PMEL: variants seen among roughly 807,000 people sequenced by gnomAD.
PMEL encodes melanocyte protein PMEL.
In PMEL, 53 loss-of-function variants were observed where a neutral mutation model predicts 64.9. The observed-to-expected ratio is 0.82, with a 90% confidence interval of 0.66 to 1.03. The LOEUF is 1.03. Among genes scored for constraint, PMEL ranks in the 50% least tolerant of loss-of-function variants. The pLI, the probability that PMEL is intolerant of heterozygous loss-of-function variation, is 0.00. For missense variants in PMEL, 716 were observed against 814.9 expected (o/e 0.88, Z 1.48); for synonymous variants, 299 against 316.2 (o/e 0.95, Z 0.58).
Position 55,955,575 on chromosome 12 carries a change from G to GGCAGGCTGGGCTGGGTAGC in PMEL, c.1632_1650dup (p.Gln551AlafsTer29). On this transcript the variant is annotated frameshift_variant, in exon 9 of 11. Transcript: ENST00000548747. LOFTEE classifies it high-confidence loss of function. ...TTCAGTATCTGGTGCAGAACCAGCT[G>GGCAGGCTGGGCTGGGTAGC]GCAGGCTGGGCTGGGTAGCACAGGC... 6.2e-7 allele frequency: 1 copy of GGCAGGCTGGGCTGGGTAGC among 1,614,018 alleles called. No individual in the cohort carries two copies. The highest frequency in any genetic ancestry group is 1.6e-4 in the Middle Eastern group (1 of 6,062).
At chr12:55,958,666 C>T (rs1284879009) in intron 3 of PMEL, 59 bp from the exon 4 acceptor site, 1 of 1,563,332 alleles carries the variant, frequency 6.4e-7, no homozygotes, top group South Asian at 1.2e-5. Flanking sequence ...TATATCAAAA[C>T]CCCTAAAATT....
At chr12:55,958,248 G>A (rs1013553037) in intron 4 of PMEL, 164 bp from the exon 5 acceptor site, 1 of 802,940 alleles carries the variant, frequency 1.2e-6, no homozygotes, top group African/African-American at 1.7e-5. Flanking sequence ...GGGTCCTAAT[G>A]AGGCATTCCA....
At chr12:55,961,810 C>A in intron 1 of PMEL, 78 bp from the exon 2 acceptor site, 4 of 846,846 alleles carry the variant, frequency 4.7e-6, no homozygotes, top group Non-Finnish European at 7.8e-6. Flanking sequence ...CATGTCACTC[C>A]ATTCATTCTC....
At chr12:55,957,751 G>C in intron 5 of PMEL, 80 bp from the exon 6 acceptor site, 4 of 1,534,610 alleles carry the variant, frequency 2.6e-6, no homozygotes, top group Non-Finnish European at 3.5e-6. Context: ...CCAACTCCAA[G>C]CTGACTGGCT....
In PMEL at chr12:55,957,661, A is replaced by T; in HGVS notation, c.642T>A (p.Pro214=). 6.2e-7 allele frequency: 1 copy of T among 1,610,502 alleles called. No individual in the cohort carries two copies. ...GCAACTGGGACACGCTCACGGAGAA[A>T]GGCACCTGGTCTGGGATTGGAGCCA... ...SSAFTITDQV[P]FSVSVSQLRA... is the part of the protein sequence containing the mutation. The change falls in exon 6 of 11, where the codon CCT becomes CCA. Residue 214 remains proline (P), a synonymous_variant. Coordinates refer to ENST00000548747, the MANE Select transcript of PMEL (RefSeq NM_001384361.1).
In PMEL at chr12:55,957,243, G is replaced by A; in HGVS notation, c.1060C>T (p.Pro354Ser). ...EPSGTTSVQV[P>S]TTEVISTAPV... Reference sequence around the variant, plus strand: ...GCAGTGCTTATGACTTCAGTGGTTGGCACCTGCACAGATGTGGTTCCAGAG... The same window carrying A: ...GCAGTGCTTATGACTTCAGTGGTTGACACCTGCACAGATGTGGTTCCAGAG... Residue 354 changes from proline (P) to serine (S), a missense_variant, in exon 6 of 11, where the codon CCA becomes TCA. By Grantham distance (74) the Pro-to-Ser change is moderately conservative (BLOSUM62 -1). Coordinates refer to ENST00000548747, the MANE Select transcript of PMEL (RefSeq NM_001384361.1). 5.6e-6 allele frequency: 9 copies of A among 1,614,106 alleles called. No individual in the cohort carries two copies. Among genetic ancestry groups the A allele is most frequent in the Non-Finnish European group, 6.8e-6 (8 of 1,180,014 alleles).
chr12:55,963,446 A>G (rs1016720048), intron 1 of PMEL, among the ~76,000 whole-genome samples: 2 of 152,160 alleles, frequency 1.3e-5, no homozygotes, highest in African/African-American at 4.8e-5. Context: ...GTAAAAGCAA[A>G]TCCCAGACAT....
chr12:55,961,317 C>A lies in PMEL; in HGVS notation c.334G>T (p.Gly112Trp). 6.2e-7 allele frequency: 1 copy of A among 1,614,064 alleles called. No homozygotes were observed. Among genetic ancestry groups the A allele is most frequent in the Non-Finnish European group, 8.5e-7 (1 of 1,179,942 alleles). Residue 112 changes from glycine to tryptophan, a missense_variant and splice_region_variant, in exon 3 of 11, where the codon GGG becomes TGG. Physicochemically the swap from Gly to Trp is radical, Grantham distance 184 (BLOSUM62 -2). Coordinates refer to ENST00000548747, the MANE Select transcript of PMEL (RefSeq NM_001384361.1). ...VIWVNNTIIN[G>W]SQVWGGQPVY... The stretch of plus-strand genomic sequence containing the variant: ...GGACCTAGAATAGAGAAGTACTCAC[C>A]ATTGATGATGGTATTGTTGACCCAG...
chr12:55,959,815 AC>A (rs1023633459), intron 3 of PMEL, among the ~76,000 whole-genome samples: 3 of 151,656 alleles, frequency 2.0e-5, no homozygotes, highest in Non-Finnish European at 4.4e-5. Context: ...AAAAATAAAT[AC>A]ATAAATAAAT....
intron 5 of PMEL, 94 bp downstream of exon 5, chr12:55,957,829 T>C (rs1345075323): frequency 1.3e-6 from 2 of 1,546,538 alleles, no homozygotes; most frequent in Admixed American, 1.8e-5. Flanking sequence ...ACTTTAAGTT[T>C]GCACAGCATT....
chr12:55,958,227 G>T, intron 4 of PMEL, 143 bp from the exon 5 acceptor site: 2 of 887,014 alleles, frequency 2.3e-6, no homozygotes, highest in Non-Finnish European at 3.4e-6. Context: ...TGATATGGGG[G>T]GACAGGGAAG....
intron 10 of PMEL, 150 bp downstream of exon 10, chr12:55,955,124 G>A: frequency 2.8e-6 from 2 of 717,176 alleles, no homozygotes; most frequent in Non-Finnish European, 5.1e-6. Flanking sequence ...AAGCAAGACT[G>A]CAACCCAAGT....
rs1487206502 is a variant in PMEL at position 55,958,625 on chromosome 12, A to T, written c.335-18T>A. The T allele has an allele frequency of 1.2e-6, 2 of 1,610,588 alleles. No individual in the cohort carries two copies. The highest frequency in any genetic ancestry group is 2.7e-5 in the African/African-American group (2 of 74,764). ...CTGGCTCCCTGAAAGATAAATACAGAGTCACTCTCAAACCCTGGCATTCTT... is the reference window on the plus strand; with the variant it reads ...CTGGCTCCCTGAAAGATAAATACAGTGTCACTCTCAAACCCTGGCATTCTT... On this transcript the variant is annotated intron_variant, in intron 3 of 10. Coordinates refer to ENST00000548747, the MANE Select transcript of PMEL (RefSeq NM_001384361.1).
At chr12:55,958,762 T>C (rs763813013) in intron 3 of PMEL, 155 bp from the exon 4 acceptor site, 10 of 760,070 alleles carry the variant, frequency 1.3e-5, no homozygotes, top group East Asian at 1.1e-4. Context: ...GGGGTGGTAG[T>C]TGGGGGTTGA....
At chr12:55,965,821 T>C (rs1260306529) in intron 1 of PMEL, 115 bp downstream of exon 1, 1 of 1,289,760 alleles carries the variant, frequency 7.8e-7, no homozygotes. Flanking sequence ...CTAAATCAAA[T>C]GAGTGGGAGA....
chr12:55,960,192 C>T (rs1433223672), intron 3 of PMEL, among the ~76,000 whole-genome samples: 2 of 131,444 alleles, frequency 1.5e-5, no homozygotes, highest in Non-Finnish European at 3.1e-5. Context: ...GCCTGAGCGA[C>T]ACAGCCAGAC....
At chr12:55,956,347 A>C (rs1341001135) in intron 6 of PMEL, 128 bp from the exon 7 acceptor site, 1 of 662,166 alleles carries the variant, frequency 1.5e-6, no homozygotes, top group African/African-American at 1.8e-5. Context: ...TTGGAATCAG[A>C]TAAGACCTGG....
Position 55,958,490 on chromosome 12 carries a change from T to G in PMEL, c.452A>C (p.Tyr151Ser). Reference protein sequence around the residue: ...GSWSQKRSFVYVWKTWGQYWQ... With the variant: ...GSWSQKRSFVSVWKTWGQYWQ... ...TCCCTCACCCCAGGTCTTCCAGACATAAACAAAGCTTCTCTTCTGAGACCA... is the reference window on the plus strand; with the variant it reads ...TCCCTCACCCCAGGTCTTCCAGACAGAAACAAAGCTTCTCTTCTGAGACCA... Residue 151 changes from tyrosine to serine, a missense_variant, in exon 4 of 11, where the codon TAT (tyrosine) becomes TCT (serine). Coordinates refer to ENST00000548747, the MANE Select transcript of PMEL (RefSeq NM_001384361.1). 1 of 1,614,024 alleles carries G rather than the reference T, an allele frequency of 6.2e-7. No individual in the cohort carries two copies. The highest frequency in any genetic ancestry group is 8.5e-7 in the Non-Finnish European group (1 of 1,179,978).
At chr12:55,965,553 A>G (rs1889267455) in intron 1 of PMEL, among the ~76,000 whole-genome samples, 1 of 152,008 alleles carries the variant, frequency 6.6e-6, no homozygotes, top group African/African-American at 2.4e-5. Context: ...AGAGGATTGT[A>G]TCTCCTTAGT....
Sources: gnomAD v4.1 joint callset for allele counts (sites outside exome capture counted in the v4.1 genomes callset) on GRCh38, gnomAD v4.1.1 for gene constraint, MANE v1.5 for transcripts, NCBI Gene and HGNC (gene_info 2026-07-23, HGNC 2026-07-21) for gene names.